Variants in HIPK2 observed in about 807,000 individuals in gnomAD.
The protein encoded by HIPK2 is homeodomain-interacting protein kinase 2.
Under a neutral mutation model 113.7 loss-of-function variants are expected in HIPK2, and 27 were observed. The ratio of observed to expected loss-of-function variants is 0.24; its 90% CI spans 0.17 to 0.33. The LOEUF is 0.33. Among genes scored for constraint, HIPK2 ranks in the 10% least tolerant of loss-of-function variants. HIPK2 has a pLI of 1.00. For missense variants in HIPK2, 1,257 were observed against 1,588.0 expected (o/e 0.79, Z 3.54); for synonymous variants, 631 against 642.2 (o/e 0.98, Z 0.26).
chr7:139,775,224 A>C (rs549310293), intron 1 of HIPK2, among the ~76,000 whole-genome samples: 2 of 152,232 alleles, frequency 1.3e-5, no homozygotes, highest in Non-Finnish European at 2.9e-5. Flanking sequence ...CAGGGAGTCC[A>C]TGTGCTCTGA....
chr7:139,660,138 T>C (rs1801816105), intron 2 of HIPK2, among the ~76,000 whole-genome samples: 1 of 152,210 alleles, frequency 6.6e-6, no homozygotes, highest in African/African-American at 2.4e-5. Flanking sequence ...TCATATCTGG[T>C]TGTAGCCCAA....
At chr7:139,590,792 T>C (rs1798992229) in intron 12 of HIPK2, among the ~76,000 whole-genome samples, 1 of 152,040 alleles carries the variant, frequency 6.6e-6, no homozygotes, top group African/African-American at 2.4e-5. Flanking sequence ...TTAGAGTCAT[T>C]AGAGAGAAAA....
At chr7:139,745,070 C>A (rs1457819551) in intron 1 of HIPK2, among the ~76,000 whole-genome samples, 6 of 152,148 alleles carry the variant, frequency 3.9e-5, no homozygotes, top group African/African-American at 1.2e-4. Flanking sequence ...GACAAGCTGG[C>A]GTATTGTTCA....
intron 2 of HIPK2, among the ~76,000 whole-genome samples, chr7:139,676,621 A>T (rs1284869091): frequency 6.6e-6 from 1 of 152,202 alleles, no homozygotes; most frequent in East Asian, 1.9e-4. Context: ...TCAACAGACC[A>T]AAGCTAGATA....
At chr7:139,620,691 C>G in intron 6 of HIPK2, 128 bp from the exon 7 acceptor site, 4 of 1,263,776 alleles carry the variant, frequency 3.2e-6, no homozygotes, top group Non-Finnish European at 4.4e-6. Context: ...AGCAGGGAAA[C>G]TAAACTTTAG....
intron 2 of HIPK2, among the ~76,000 whole-genome samples, chr7:139,710,636 G>A (rs937341599): frequency 4.6e-5 from 7 of 152,076 alleles, no homozygotes; most frequent in South Asian, 2.1e-4. Context: ...TATCTACTAC[G>A]GGACACTCAG....
chr7:139,561,657 A>G lies in HIPK2; in HGVS notation c.*11270T>C, dbSNP rs1797950956. The G allele has an allele frequency of 6.6e-6, 1 of 152,196 alleles. No homozygotes were observed. The highest frequency in any genetic ancestry group is 2.4e-5 in the African/African-American group (1 of 41,452). 9.4% of individuals were successfully genotyped at this position (152,196 alleles called of 1,614,324 possible). ...ATACAATATGCATATGTGAGTTTAC[A>G]AATTTTAATTAATAAGTCATTTCAC... On this transcript the variant is annotated 3_prime_UTR_variant, in exon 15 of 15. Coordinates refer to ENST00000406875, the MANE Select transcript of HIPK2 (RefSeq NM_022740.5).
At chr7:139,715,727 C>T (rs1347717914) in intron 2 of HIPK2, 11 of 371,652 alleles carry the variant, frequency 3.0e-5, no homozygotes, top group Non-Finnish European at 3.7e-5. Context: ...ACCTGTGCCA[C>T]GGATCTTACC....
intron 10 of HIPK2, among the ~76,000 whole-genome samples, chr7:139,602,211 C>T (rs920394452): frequency 6.6e-6 from 1 of 152,126 alleles, no homozygotes; most frequent in African/African-American, 2.4e-5. Context: ...CCTTGGCTTC[C>T]CAAAGTGCTG....
chr7:139,705,955 A>C (rs1794884178), intron 2 of HIPK2, among the ~76,000 whole-genome samples: 1 of 152,162 alleles, frequency 6.6e-6, no homozygotes, highest in Non-Finnish European at 1.5e-5. Flanking sequence ...CTTACGTACG[A>C]AGACAAAGTT....
intron 2 of HIPK2, among the ~76,000 whole-genome samples, chr7:139,651,007 C>T (rs1371325242): frequency 2.0e-5 from 3 of 152,242 alleles, no homozygotes; most frequent in Non-Finnish European, 2.9e-5. Flanking sequence ...TTTATTGTGT[C>T]AGCCACGGAA....
At chr7:139,745,738 A>T (rs929225755) in intron 1 of HIPK2, among the ~76,000 whole-genome samples, 3 of 151,984 alleles carry the variant, frequency 2.0e-5, no homozygotes, top group Non-Finnish European at 4.4e-5. Flanking sequence ...ACTTCCAGGC[A>T]GTGGCCAGGC....
At chr7:139,761,809 G>T (rs1377107017) in intron 1 of HIPK2, among the ~76,000 whole-genome samples, 1 of 152,162 alleles carries the variant, frequency 6.6e-6, no homozygotes, top group Admixed American at 6.5e-5. Flanking sequence ...GAAATACAAA[G>T]TTGGAGACTG....
intron 9 of HIPK2, among the ~76,000 whole-genome samples, chr7:139,612,388 T>A (rs944074494): frequency 6.6e-6 from 1 of 152,144 alleles, no homozygotes; most frequent in African/African-American, 2.4e-5. Context: ...AGAAGTAGTA[T>A]AGCTTGGTGG....
chr7:139,680,192 A>T (rs1208358920), intron 2 of HIPK2, among the ~76,000 whole-genome samples: 1 of 152,216 alleles, frequency 6.6e-6, no homozygotes, highest in Non-Finnish European at 1.5e-5. Context: ...GTACCCGGGA[A>T]TGTTCCCTCT....
intron 2 of HIPK2, among the ~76,000 whole-genome samples, chr7:139,682,780 G>C (rs963838558): frequency 8.5e-5 from 13 of 152,308 alleles, no homozygotes; most frequent in Admixed American, 7.8e-4. Context: ...CTAACAGAGG[G>C]GACAGAAGGC....
At chr7:139,604,050 C>A (rs1434767916) in intron 10 of HIPK2, 31 bp downstream of exon 10, 3 of 1,613,166 alleles carry the variant, frequency 1.9e-6, no homozygotes, top group South Asian at 1.1e-5. Context: ...CCCAGACACA[C>A]CCACTCACCC....
intron 2 of HIPK2, among the ~76,000 whole-genome samples, chr7:139,669,689 G>GT (rs1488296707): frequency 6.6e-6 from 1 of 152,060 alleles, no homozygotes; most frequent in Non-Finnish European, 1.5e-5. Flanking sequence ...GAAATAAAAC[G>GT]TACTAAAGCA....
intron 2 of HIPK2, among the ~76,000 whole-genome samples, chr7:139,669,289 C>G (rs993745845): frequency 1.3e-5 from 2 of 152,150 alleles, no homozygotes; most frequent in African/African-American, 4.8e-5. Context: ...TAAACAGAAG[C>G]CGTGCTCTCC....
Sources: allele counts gnomAD v4.1 joint callset (sites outside exome capture counted in the v4.1 genomes callset), GRCh38; gene constraint gnomAD v4.1.1; transcripts MANE v1.5; gene names NCBI Gene and HGNC (gene_info 2026-07-23, HGNC 2026-07-21).